BBX: variants seen among roughly 807,000 people sequenced by gnomAD.
BBX encodes the protein BBX high mobility group box domain containing.
A neutral mutation model predicts 100.2 loss-of-function variants in BBX; 30 were observed. The ratio of observed to expected loss-of-function variants is 0.30; its 90% confidence interval spans 0.22 to 0.41. The LOEUF is 0.41. BBX is among the 10% of genes least tolerant of loss of function. The probability of loss-of-function intolerance (pLI) is 1.00; values close to 1 mark genes in which losing one functional copy is unlikely to be tolerated. For missense variants in BBX, 1,023 were observed against 1,129.8 expected (o/e 0.91, Z 1.35); for synonymous variants, 376 against 388.1 (o/e 0.97, Z 0.37).
At chr3:107,600,973 G>A (rs901000228) in intron 2 of BBX, among the ~76,000 whole-genome samples, 1 of 152,172 alleles carries the variant, frequency 6.6e-6, no homozygotes, top group Non-Finnish European at 1.5e-5. Flanking sequence ...GCACCACTTT[G>A]CCAGCAGTAT....
chr3:107,672,186 T>A (rs1248921039), intron 3 of BBX, among the ~76,000 whole-genome samples: 1 of 152,066 alleles, frequency 6.6e-6, no homozygotes, highest in African/African-American at 2.4e-5. Flanking sequence ...ACCTTAAGTA[T>A]CTCTTCACCT....
chr3:107,757,390 A>G (rs979919334), intron 10 of BBX, among the ~76,000 whole-genome samples: 2 of 152,178 alleles, frequency 1.3e-5, no homozygotes, highest in Non-Finnish European at 2.9e-5. Flanking sequence ...AACAGATGCT[A>G]TGGTTTAACA....
At chr3:107,753,043 A>C (rs60395072) in intron 9 of BBX, among the ~76,000 whole-genome samples, 2,651 of 152,322 alleles carry the variant, frequency 0.017, 73 homozygotes, top group African/African-American at 0.06. Flanking sequence ...GAGGGTCCTA[A>C]GACAAAACAC....
chr3:107,605,232 C>T (rs1010234930), intron 2 of BBX, among the ~76,000 whole-genome samples: 6 of 152,166 alleles, frequency 3.9e-5, no homozygotes, highest in African/African-American at 1.2e-4. Flanking sequence ...ACTGTCAAGC[C>T]TAGAACCCCA....
intron 2 of BBX, among the ~76,000 whole-genome samples, chr3:107,527,388 T>C (rs1442468692): frequency 6.6e-6 from 1 of 152,168 alleles, no homozygotes; most frequent in Non-Finnish European, 1.5e-5. Flanking sequence ...TGAAAGAAAA[T>C]TTAGAGACCT....
At chr3:107,603,113 G>A (rs1394351900) in intron 2 of BBX, among the ~76,000 whole-genome samples, 13 of 152,020 alleles carry the variant, frequency 8.6e-5, no homozygotes, top group African/African-American at 1.7e-4. Context: ...ATAGGCTCCC[G>A]CCACCATGCC....
chr3:107,749,698 A>G (rs1375508707), intron 9 of BBX, among the ~76,000 whole-genome samples: 2 of 151,296 alleles, frequency 1.3e-5, no homozygotes, highest in Middle Eastern at 3.5e-3. Context: ...CAGTGGTGCA[A>G]TCTCGGCTCA....
At chr3:107,723,631 A>T (rs189224613) in intron 5 of BBX, among the ~76,000 whole-genome samples, 4 of 151,916 alleles carry the variant, frequency 2.6e-5, no homozygotes, top group Non-Finnish European at 4.4e-5. Flanking sequence ...TCATTGTTCA[A>T]TTCTCACCTA....
intron 3 of BBX, among the ~76,000 whole-genome samples, chr3:107,678,079 A>AT (rs2059379368): frequency 6.6e-6 from 1 of 152,004 alleles, no homozygotes; most frequent in South Asian, 2.1e-4. Context: ...TTTATTATGT[A>AT]TTTTTTTAAA....
chr3:107,649,523 C>A (rs751418579), intron 3 of BBX, among the ~76,000 whole-genome samples: 1 of 152,072 alleles, frequency 6.6e-6, no homozygotes, highest in Non-Finnish European at 1.5e-5. Flanking sequence ...TGAAAAGAGT[C>A]CCTGGCACAT....
chr3:107,557,900 G>A (rs950011249), intron 2 of BBX, among the ~76,000 whole-genome samples: 2 of 152,198 alleles, frequency 1.3e-5, no homozygotes, highest in Admixed American at 6.5e-5. Flanking sequence ...TATTAGCAAG[G>A]GGGGAAAGCA....
chr3:107,795,106 T>C (rs2069476739), intron 15 of BBX, among the ~76,000 whole-genome samples: 1 of 152,208 alleles, frequency 6.6e-6, no homozygotes, highest in South Asian at 2.1e-4. Flanking sequence ...ACAAAGCCTT[T>C]CTTTTCTTAC....
chr3:107,734,521 AG>A (rs2063518969), intron 7 of BBX, among the ~76,000 whole-genome samples: 1 of 152,190 alleles, frequency 6.6e-6, no homozygotes, highest in Non-Finnish European at 1.5e-5. Flanking sequence ...CGTGTTCCAA[AG>A]GTGAATGTTG....
At chr3:107,724,215 A>C (rs572225333) in intron 5 of BBX, among the ~76,000 whole-genome samples, 94 of 152,300 alleles carry the variant, frequency 6.2e-4, no homozygotes, top group Non-Finnish European at 1.1e-3. Context: ...TCTTCTTTTG[A>C]GAAGTGTCTG....
At chr3:107,579,784 G>A (rs539680395) in intron 2 of BBX, among the ~76,000 whole-genome samples, 168 of 152,236 alleles carry the variant, frequency 1.1e-3, no homozygotes, top group African/African-American at 3.7e-3. Flanking sequence ...GTTGGATATC[G>A]AGCTGCCTCT....
At chr3:107,527,211 A>C (rs2047842971) in intron 2 of BBX, among the ~76,000 whole-genome samples, 1 of 151,866 alleles carries the variant, frequency 6.6e-6, no homozygotes, top group Non-Finnish European at 1.5e-5. Flanking sequence ...ACCACCTTGT[A>C]AGTTTGCCCC....
chr3:107,762,832 G>T (rs914885072), intron 10 of BBX, among the ~76,000 whole-genome samples: 29 of 152,158 alleles, frequency 1.9e-4, no homozygotes, highest in Non-Finnish European at 3.8e-4. Context: ...CTTAGGACAG[G>T]TTGAGCATCT....
At chr3:107,789,143 G>C (rs1262290971) in intron 13 of BBX, among the ~76,000 whole-genome samples, 1 of 151,872 alleles carries the variant, frequency 6.6e-6, no homozygotes, top group Non-Finnish European at 1.5e-5. Flanking sequence ...CTTTGGGGAG[G>C]TCAGTGCTGT....
At chr3:107,689,238 A>C (rs892367600) in intron 3 of BBX, among the ~76,000 whole-genome samples, 8 of 152,228 alleles carry the variant, frequency 5.3e-5, no homozygotes, top group Admixed American at 1.3e-4. Context: ...TGTACTTAAA[A>C]ATATTTACAA....
Sources: gnomAD v4.1 joint callset for allele counts (sites outside exome capture counted in the v4.1 genomes callset) on GRCh38, gnomAD v4.1.1 for gene constraint, MANE v1.5 for transcripts, NCBI Gene and HGNC (gene_info 2026-07-23, HGNC 2026-07-21) for gene names.